AUH: variants seen among roughly 807,000 people sequenced by gnomAD.
AUH encodes methylglutaconyl-CoA hydratase, mitochondrial.
Under a neutral mutation model 42.3 loss-of-function variants are expected in AUH, and 29 were observed. That is an observed-to-expected ratio of 0.69 (90% CI 0.51 to 0.93). The LOEUF (loss-of-function observed/expected upper bound fraction) is 0.93, where lower values mean the gene tolerates loss of function less well. Ranked by LOEUF, AUH falls within the 40% of genes least tolerant of loss-of-function variation. The pLI, the probability that AUH is intolerant of heterozygous loss-of-function variation, is 0.00. For synonymous variants in AUH, 174 were observed against 166.4 expected, an observed-to-expected ratio of 1.05 and a Z score of -0.35; for missense variants, 452 against 438.1, an observed-to-expected ratio of 1.03 and a Z score of -0.28.
At chr9:91,325,266 G>C in intron 4 of AUH, 52 bp downstream of exon 4, 4 of 1,414,602 alleles carry the variant, frequency 2.8e-6, no homozygotes, top group Non-Finnish European at 4.0e-6. Flanking sequence ...TTTTAAATGT[G>C]ACATTTAAGA....
intron 6 of AUH, among the ~76,000 whole-genome samples, chr9:91,269,116 G>A (rs1824904162): frequency 6.6e-6 from 1 of 152,136 alleles, no homozygotes. Context: ...GAGGAGCTCG[G>A]ACTACAGGCG....
At chr9:91,336,348 T>C (rs1452667161) in intron 3 of AUH, among the ~76,000 whole-genome samples, 4 of 152,188 alleles carry the variant, frequency 2.6e-5, no homozygotes, top group East Asian at 1.9e-4. Flanking sequence ...TAAACCTGGA[T>C]TGGCCAGGCA....
Sources: allele counts gnomAD v4.1 joint callset (sites outside exome capture counted in the v4.1 genomes callset), GRCh38; gene constraint gnomAD v4.1.1; transcripts MANE v1.5; gene names NCBI Gene and HGNC (gene_info 2026-07-23, HGNC 2026-07-21).